The following NMNAT2 variants were observed in gnomAD, a reference collection of about 807,000 sequenced individuals.
NMNAT2 encodes nicotinamide/nicotinic acid mononucleotide adenylyltransferase 2.
NMNAT2 carries 11 observed loss-of-function variants against 41.6 expected under a neutral mutation model. The ratio of observed to expected loss-of-function variants is 0.26; its 90% CI spans 0.17 to 0.44. The LOEUF (loss-of-function observed/expected upper bound fraction) is 0.44. Ranked by LOEUF, NMNAT2 falls within the 20% of genes least tolerant of loss-of-function variation. The pLI, the probability that NMNAT2 is intolerant of heterozygous loss-of-function variation, is 1.00. For missense variants in NMNAT2, 288 were observed against 407.7 expected, an observed-to-expected ratio of 0.71 and a Z score of 2.53; for synonymous variants, 148 against 151.2, an observed-to-expected ratio of 0.98 and a Z score of 0.16.
At position 183,418,321 on chromosome 1, in the gene NMNAT2, CGTT is replaced by C. The variant is rs934547355; in HGVS notation, c.-57_-55del. 15 of 1,539,680 alleles carry C rather than the reference CGTT, an allele frequency of 9.7e-6. No homozygotes were observed. The highest frequency in any genetic ancestry group is 2.7e-5 in the African/African-American group (2 of 73,272). ...AGGGGTTGCCTCTCTTTTTGTGTCT[CGTT>C]GTGTCTGCAGAGGGAGAAAGGAAGG... On this transcript the variant is annotated 5_prime_UTR_variant, in exon 1 of 11. Coordinates refer to ENST00000287713, the MANE Select transcript of NMNAT2 (RefSeq NM_015039.4).
intron 1 of NMNAT2, among the ~76,000 whole-genome samples, chr1:183,312,202 A>T (rs1179985954): frequency 6.6e-6 from 1 of 151,790 alleles, no homozygotes; most frequent in Non-Finnish European, 1.5e-5. Context: ...GAAGATAATA[A>T]TTTTTTTGGT....
intron 1 of NMNAT2, among the ~76,000 whole-genome samples, chr1:183,366,859 C>T (rs1663424542): frequency 6.6e-6 from 1 of 152,048 alleles, no homozygotes; most frequent in African/African-American, 2.4e-5. Context: ...AATATCTTAC[C>T]TCCTCCTGTC....
chr1:183,410,049 C>G (rs1463285868), intron 1 of NMNAT2, among the ~76,000 whole-genome samples: 1 of 152,054 alleles, frequency 6.6e-6, no homozygotes, highest in Non-Finnish European at 1.5e-5. Context: ...TGGCACACCC[C>G]TGCAATCTCA....
intron 1 of NMNAT2, among the ~76,000 whole-genome samples, chr1:183,358,408 TTAAAAG>T (rs1281891256): frequency 3.3e-5 from 5 of 152,112 alleles, no homozygotes; most frequent in Non-Finnish European, 4.4e-5. Flanking sequence ...ACCCCTGAAC[TTAAAAG>T]TTTAAAATAT....
At position 183,249,682 on chromosome 1, in the gene NMNAT2, CGTGTGTGTGTGTGT is replaced by C. The variant is rs3841433; in HGVS notation, c.*2945_*2958del. 9.0e-3 allele frequency: 1,071 copies of C among 119,606 alleles called. 2 individuals are homozygous for C. The highest frequency in any genetic ancestry group is 0.012 in the South Asian group (39 of 3,260). The allele number at this position is 119,606 out of a possible 1,614,324, so 7.4% of individuals were successfully genotyped here. On this transcript the variant is annotated 3_prime_UTR_variant, in exon 11 of 11. Coordinates refer to ENST00000287713, the MANE Select transcript of NMNAT2 (RefSeq NM_015039.4). ...TTCCCCTAGCAAATGAAGAGTAGGG[CGTGTGTGTGTGTGT>C]GTGTGTGTGTGTGTGTGTGTGTGTG...
intron 3 of NMNAT2, chr1:183,290,890 C>A (rs537025419): frequency 6.6e-6 from 1 of 152,368 alleles, no homozygotes; most frequent in South Asian, 2.1e-4. Context: ...CAGCCCCAGA[C>A]TGAGGCAGCA....
chr1:183,249,097 C>T lies in NMNAT2; in HGVS notation c.*3544G>A, dbSNP rs1434859272. The T allele has an allele frequency of 3.5e-4, 53 of 152,140 alleles. 1 individual carries two copies. Among genetic ancestry groups the T allele is most frequent in the Admixed American group, 3.5e-3 (53 of 15,266 alleles). The allele number at this position is 152,140 out of a possible 1,614,324, so 9.4% of individuals were successfully genotyped here. The stretch of plus-strand genomic sequence containing the variant: ...GAAGCTGGAGCTTGAAACTAGAGAA[C>T]ATTGTTGAAAGGCTGGCCAAGCTGA... On this transcript the variant is annotated 3_prime_UTR_variant, in exon 11 of 11. Coordinates refer to ENST00000287713, the MANE Select transcript of NMNAT2 (RefSeq NM_015039.4).
intron 1 of NMNAT2, among the ~76,000 whole-genome samples, chr1:183,385,989 A>C (rs905337795): frequency 1.3e-5 from 2 of 152,318 alleles, no homozygotes; most frequent in Admixed American, 6.5e-5. Flanking sequence ...ACAGCATAGA[A>C]GGGAACTGGG....
At chr1:183,397,901 C>T (rs566227501) in intron 1 of NMNAT2, among the ~76,000 whole-genome samples, 1 of 152,276 alleles carries the variant, frequency 6.6e-6, no homozygotes, top group South Asian at 2.1e-4. Flanking sequence ...AAAAGAGCTC[C>T]TGAAGGAAGC....
chr1:183,374,985 A>T (rs757193711), intron 1 of NMNAT2, among the ~76,000 whole-genome samples: 18 of 152,218 alleles, frequency 1.2e-4, no homozygotes, highest in Non-Finnish European at 1.8e-4. Context: ...GTTGACATTC[A>T]TCGATCCCTA....
intron 6 of NMNAT2, among the ~76,000 whole-genome samples, chr1:183,284,328 T>C (rs1661346056): frequency 1.3e-5 from 2 of 152,186 alleles, no homozygotes; most frequent in Non-Finnish European, 2.9e-5. Context: ...GCTGAGCGCC[T>C]TCTGTTTCTG....
chr1:183,416,708 T>C (rs541861397), intron 1 of NMNAT2, among the ~76,000 whole-genome samples: 10 of 151,728 alleles, frequency 6.6e-5, no homozygotes, highest in Non-Finnish European at 1.5e-4. Flanking sequence ...ATTTGCCCTT[T>C]GCTCAAAGTA....
intron 1 of NMNAT2, among the ~76,000 whole-genome samples, chr1:183,313,870 G>C (rs12741099): frequency 1.9e-3 from 296 of 152,322 alleles, no homozygotes; most frequent in Middle Eastern, 3.4e-3. Flanking sequence ...ACCCTGCAGA[G>C]GAAGGCTGGA....
intron 1 of NMNAT2, among the ~76,000 whole-genome samples, chr1:183,349,739 G>A (rs533923394): frequency 1.2e-4 from 19 of 152,330 alleles, no homozygotes; most frequent in Admixed American, 1.0e-3. Context: ...GTGTAAGGAG[G>A]GCAGGAGATT....
chr1:183,289,032 C>G (rs1191990386), intron 4 of NMNAT2, among the ~76,000 whole-genome samples: 1 of 152,214 alleles, frequency 6.6e-6, no homozygotes, highest in Non-Finnish European at 1.5e-5. Flanking sequence ...GCCCTTAGCT[C>G]CCCAGGACGG....
At chr1:183,388,993 A>G (rs1183408423) in intron 1 of NMNAT2, among the ~76,000 whole-genome samples, 2 of 152,220 alleles carry the variant, frequency 1.3e-5, no homozygotes, top group African/African-American at 2.4e-5. Context: ...CATGGAGCAC[A>G]AGGAAAAGAA....
intron 1 of NMNAT2, among the ~76,000 whole-genome samples, chr1:183,389,817 AAAG>A (rs1648405300): frequency 1.5e-5 from 1 of 64,684 alleles, no homozygotes; most frequent in African/African-American, 4.5e-5. Context: ...AGAAAGAAAG[AAAG>A]AAAGAAAGAA....
chr1:183,330,488 T>C (rs485677), intron 1 of NMNAT2, among the ~76,000 whole-genome samples: 109,778 of 151,990 alleles, frequency 0.72, 39,810 homozygotes, highest in East Asian at 0.91. Context: ...TGCTTCACCA[T>C]GGTCCCTACC....
At chr1:183,380,580 G>C (rs1426360561) in intron 1 of NMNAT2, among the ~76,000 whole-genome samples, 1 of 152,206 alleles carries the variant, frequency 6.6e-6, no homozygotes, top group African/African-American at 2.4e-5. Context: ...GAATATGAGA[G>C]AGGGTGAAAA....
Sources: allele counts gnomAD v4.1 joint callset (sites outside exome capture counted in the v4.1 genomes callset), GRCh38; gene constraint gnomAD v4.1.1; transcripts MANE v1.5; gene names NCBI Gene and HGNC (gene_info 2026-07-23, HGNC 2026-07-21).